LRRC4C: variants seen among roughly 807,000 people sequenced by gnomAD.
LRRC4C encodes leucine rich repeat containing 4C.
A neutral mutation model predicts 33.6 loss-of-function variants in LRRC4C; 5 were observed. That is an observed-to-expected ratio of 0.15 (90% CI 0.08 to 0.31). The LOEUF is 0.31. LRRC4C is among the 10% of genes least tolerant of loss of function. LRRC4C has a pLI of 1.00. For synonymous variants in LRRC4C, 329 were observed against 302.0 expected, an observed-to-expected ratio of 1.09 and a Z score of -0.93; for missense variants, 560 against 796.7, an observed-to-expected ratio of 0.70 and a Z score of 3.58.
chr11:41,227,285 T>G (rs1326256819), intron 1 of LRRC4C, among the ~76,000 whole-genome samples: 2 of 151,932 alleles, frequency 1.3e-5, no homozygotes, highest in Non-Finnish European at 2.9e-5. Flanking sequence ...TTATATACAT[T>G]TAAGATCAAG....
intron 5 of LRRC4C, among the ~76,000 whole-genome samples, chr11:40,166,417 T>G (rs1859599748): frequency 6.6e-6 from 1 of 152,146 alleles, no homozygotes; most frequent in African/African-American, 2.4e-5. Context: ...CTACACTCTT[T>G]GATGTCAGGA....
At chr11:41,106,086 G>A (rs1001462801) in intron 1 of LRRC4C, among the ~76,000 whole-genome samples, 1 of 152,040 alleles carries the variant, frequency 6.6e-6, no homozygotes, top group East Asian at 1.9e-4. Context: ...AACAGGAATG[G>A]AGAGGTTAAG....
At chr11:40,178,162 C>G (rs73453870) in intron 5 of LRRC4C, among the ~76,000 whole-genome samples, 4 of 152,278 alleles carry the variant, frequency 2.6e-5, no homozygotes, top group African/African-American at 7.2e-5. Context: ...GGAGGCTGTA[C>G]TACCCGATGG....
chr11:40,956,625 T>G (rs779514454), intron 1 of LRRC4C, among the ~76,000 whole-genome samples: 1 of 151,684 alleles, frequency 6.6e-6, no homozygotes, highest in African/African-American at 2.4e-5. Context: ...ATAGAAAACA[T>G]AGATTAATAC....
At chr11:41,436,001 C>T (rs1955412094) in intron 1 of LRRC4C, among the ~76,000 whole-genome samples, 1 of 152,034 alleles carries the variant, frequency 6.6e-6, no homozygotes, top group South Asian at 2.1e-4. Context: ...GTCAGGAGTT[C>T]GAGACCAGCC....
intron 1 of LRRC4C, among the ~76,000 whole-genome samples, chr11:40,947,310 C>T (rs1958447505): frequency 6.6e-6 from 1 of 152,124 alleles, no homozygotes; most frequent in Non-Finnish European, 1.5e-5. Context: ...GTGGGAAATA[C>T]TTGGTAACAC....
At chr11:40,417,056 A>G (rs1460130153) in intron 3 of LRRC4C, among the ~76,000 whole-genome samples, 2 of 152,242 alleles carry the variant, frequency 1.3e-5, no homozygotes. Flanking sequence ...TAAAAAGTGA[A>G]AAAGGAAAGC....
At chr11:40,720,429 T>C (rs1029000511) in intron 2 of LRRC4C, among the ~76,000 whole-genome samples, 10 of 152,228 alleles carry the variant, frequency 6.6e-5, no homozygotes, top group Non-Finnish European at 1.3e-4. Context: ...TAGTCATCAT[T>C]TATTTGAAAA....
intron 3 of LRRC4C, among the ~76,000 whole-genome samples, chr11:40,432,013 G>C (rs1170703523): frequency 6.6e-6 from 1 of 152,208 alleles, no homozygotes; most frequent in Non-Finnish European, 1.5e-5. Context: ...CAACAAGACA[G>C]AGACTGGTGT....
At chr11:41,422,931 C>A (rs901122618) in intron 1 of LRRC4C, among the ~76,000 whole-genome samples, 3 of 152,052 alleles carry the variant, frequency 2.0e-5, no homozygotes, top group Non-Finnish European at 4.4e-5. Context: ...AAAGCATTTT[C>A]TACACTATGC....
chr11:40,161,739 AG>A, intron 5 of LRRC4C, among the ~76,000 whole-genome samples: 1 of 152,190 alleles, frequency 6.6e-6, no homozygotes. Flanking sequence ...CCTGGGCAAC[AG>A]AGCGAGACTC....
At chr11:41,445,325 T>G (rs987673230) in intron 1 of LRRC4C, among the ~76,000 whole-genome samples, 1 of 152,150 alleles carries the variant, frequency 6.6e-6, no homozygotes, top group African/African-American at 2.4e-5. Context: ...CTCTCGCATT[T>G]TAATTCTGAA....
intron 2 of LRRC4C, among the ~76,000 whole-genome samples, chr11:40,828,870 G>T (rs965966572): frequency 1.3e-5 from 2 of 151,794 alleles, no homozygotes; most frequent in Non-Finnish European, 2.9e-5. Context: ...AAAACTACCC[G>T]AGCCATAAAT....
At chr11:41,328,501 T>C (rs756915525) in intron 1 of LRRC4C, among the ~76,000 whole-genome samples, 7 of 152,088 alleles carry the variant, frequency 4.6e-5, no homozygotes, top group Non-Finnish European at 8.8e-5. Flanking sequence ...GCCACCACAC[T>C]CCACCCAGGC....
At chr11:41,122,415 A>T (rs944704373) in intron 1 of LRRC4C, among the ~76,000 whole-genome samples, 1 of 152,146 alleles carries the variant, frequency 6.6e-6, no homozygotes, top group African/African-American at 2.4e-5. Flanking sequence ...CATCCTAGGA[A>T]GCTAGATCAA....
In LRRC4C at chr11:40,679,398, G is replaced by A. The variant is rs146114271; in HGVS notation, c.-406-31120C>T. On this transcript the variant is annotated intron_variant, in intron 2 of 6. Coordinates refer to ENST00000528697, the MANE Select transcript of LRRC4C (RefSeq NM_001258419.2). ...GAAATTTGCATAAGTAACGAGGAGC[G>A]GAATGTTAATCACCAAGACAATTGA... Among the ~76,000 whole-genome samples the A allele has an allele frequency of 6.6e-3, 1,012 of 152,238 alleles. 16 individuals are homozygous for A. Among genetic ancestry groups the A allele is most frequent in the African/African-American group, 0.023 (950 of 41,546 alleles).
rs369583662 is a variant in LRRC4C at position 41,359,562 on chromosome 11, C to T, written c.-496+99869G>A. On this transcript the variant is annotated intron_variant, in intron 1 of 6. Transcript: ENST00000528697. ...GTTTTTGAAAGGAAGGACACAGAGTCGAATTTTATAAAAGAATAAAAATAG... is the reference window on the plus strand; with the variant it reads ...GTTTTTGAAAGGAAGGACACAGAGTTGAATTTTATAAAAGAATAAAAATAG... Among the ~76,000 whole-genome samples, 25 of 151,846 alleles carry T rather than the reference C, an allele frequency of 1.6e-4. No homozygotes were observed. The South Asian group carries it at 3.3e-3, about 20-fold the overall frequency.
chr11:41,028,747 A>T (rs1446942239), intron 1 of LRRC4C, among the ~76,000 whole-genome samples: 1 of 151,528 alleles, frequency 6.6e-6, no homozygotes, highest in Admixed American at 6.6e-5. Context: ...CTCTTTATTC[A>T]TGTGTTTGTT....
intron 3 of LRRC4C, among the ~76,000 whole-genome samples, chr11:40,360,186 A>G (rs1310557730): frequency 6.6e-6 from 1 of 152,200 alleles, no homozygotes; most frequent in African/African-American, 2.4e-5. Context: ...GATCTCTATG[A>G]TTATTCTGAC....
Sources: gnomAD v4.1 joint callset for allele counts (sites outside exome capture counted in the v4.1 genomes callset) on GRCh38, gnomAD v4.1.1 for gene constraint, MANE v1.5 for transcripts, NCBI Gene and HGNC (gene_info 2026-07-23, HGNC 2026-07-21) for gene names.